LY75: variants seen among roughly 807,000 people sequenced by gnomAD.
The protein encoded by LY75 is C-type lectin domain family 13 member B.
LY75 carries 185 observed loss-of-function variants against 231.7 expected under a neutral mutation model. The ratio of observed to expected loss-of-function variants is 0.80; its 90% CI spans 0.71 to 0.90. The LOEUF is 0.90. LY75 is among the 40% of genes least tolerant of loss of function. The pLI, the probability that LY75 is intolerant of heterozygous loss-of-function variation, is 0.00. For missense variants in LY75, 1,947 were observed against 2,050.2 expected, an observed-to-expected ratio of 0.95 and a Z score of 0.97; for synonymous variants, 668 against 689.0, an observed-to-expected ratio of 0.97 and a Z score of 0.48.
At chr2:159,881,854 C>A (rs1049444137) in intron 7 of LY75, among the ~76,000 whole-genome samples, 2 of 152,140 alleles carry the variant, frequency 1.3e-5, no homozygotes, top group African/African-American at 2.4e-5. Context: ...TAGGCACATG[C>A]GGCCACTTAA....
At chr2:159,817,081 AC>A (rs749750351) in intron 29 of LY75, 49 bp from the exon 30 acceptor site, 7 of 1,489,186 alleles carry the variant, frequency 4.7e-6, no homozygotes, top group Non-Finnish European at 6.3e-6. Context: ...TATTTCAAAT[AC>A]ATCTTTTGGA....
chr2:159,805,835 G>C (rs960653707), intron 34 of LY75, among the ~76,000 whole-genome samples: 4 of 152,086 alleles, frequency 2.6e-5, no homozygotes, highest in Non-Finnish European at 5.9e-5. Context: ...CCCTAACTCT[G>C]CTCCCACCCA....
intron 20 of LY75, 84 bp downstream of exon 20, chr2:159,853,189 A>G (rs908664050): frequency 2.2e-6 from 3 of 1,391,938 alleles, no homozygotes; most frequent in Non-Finnish European, 3.0e-6. Context: ...ATATAATTAA[A>G]AGGAAAACAA....
Position 159,819,887 on chromosome 2 carries a change from A to C in LY75, c.3992T>G (p.Leu1331Arg). ...TCCTGCTCTCCAATGTGTATATGACAGTGGGGTCTTATCAAACCACATAAG... is the reference window on the plus strand; with the variant it reads ...TCCTGCTCTCCAATGTGTATATGACCGTGGGGTCTTATCAAACCACATAAG... ...KSLMWFDKTP[L>R]SYTHWRAGRP... Residue 1331 changes from leucine (L) to arginine (R), a missense_variant, in exon 29 of 35, where the codon CTG (leucine) becomes CGG (arginine). Leu to Arg is a moderately radical substitution (Grantham distance 102, BLOSUM62 -2). Coordinates refer to ENST00000263636, the MANE Select transcript of LY75 (RefSeq NM_002349.4). The C allele has an allele frequency of 6.2e-7, 1 of 1,609,510 alleles. No individual in the cohort carries two copies. The highest frequency in any genetic ancestry group is 2.2e-5 in the East Asian group (1 of 44,726).
intron 28 of LY75, among the ~76,000 whole-genome samples, chr2:159,822,039 C>T (rs1403884829): frequency 2.0e-5 from 3 of 152,238 alleles, no homozygotes; most frequent in Non-Finnish European, 4.4e-5. Flanking sequence ...AACCTGCAAA[C>T]GAGGAGATTC....
intron 32 of LY75, 27 bp downstream of exon 32, chr2:159,810,499 T>G (rs1489292041): frequency 1.2e-6 from 2 of 1,601,054 alleles, no homozygotes; most frequent in African/African-American, 1.3e-5. Context: ...TATTGAGTCA[T>G]AAGAAAATCA....
rs146290413 is a variant in LY75 at position 159,854,853 on chromosome 2, T to C, written c.2419+51A>G. 5.3e-3 allele frequency: 8,464 copies of C among 1,605,232 alleles called. 64 individuals are homozygous for C. The highest frequency in any genetic ancestry group is 0.03 in the Middle Eastern group (184 of 6,036). On this transcript the variant is annotated intron_variant, in intron 17 of 34. Coordinates refer to ENST00000263636, the MANE Select transcript of LY75 (RefSeq NM_002349.4). Reference sequence around the variant, plus strand: ...CACTTAAATAATTAACTAAATGCATTAGTGACAAGGTAAAAGCAGCTTTGG... The same window carrying C: ...CACTTAAATAATTAACTAAATGCATCAGTGACAAGGTAAAAGCAGCTTTGG...
intron 11 of LY75, 38 bp downstream of exon 11, chr2:159,878,286 T>A (rs901531026): frequency 6.3e-7 from 1 of 1,591,374 alleles, no homozygotes; most frequent in Non-Finnish European, 8.5e-7. Context: ...CTTTCACTAG[T>A]CACAGTATAC....
rs1683997737 is a variant in LY75, at chr2:159,840,732, TTGACTGAAGAGTCCGA to T, written c.3488_3503del (p.Ile1163LysfsTer31). On this transcript the variant is annotated frameshift_variant, in exon 25 of 35. Coordinates refer to ENST00000263636, the MANE Select transcript of LY75 (RefSeq NM_002349.4). LOFTEE classifies it high-confidence loss of function. ...GCAGTTGGGACTGAACACTTACATC[TTGACTGAAGAGTCCGA>T]TCCATAAGGAAGAGTTGTGAAGGAG... The T allele has an allele frequency of 6.2e-7, 1 of 1,613,930 alleles. No individual in the cohort carries two copies. The highest frequency in any genetic ancestry group is 1.3e-5 in the African/African-American group (1 of 74,910).
At chr2:159,842,781 T>C (rs1684078292) in intron 23 of LY75, among the ~76,000 whole-genome samples, 1 of 152,138 alleles carries the variant, frequency 6.6e-6, no homozygotes, top group Non-Finnish European at 1.5e-5. Context: ...TACTAGTCAC[T>C]ATAAAAATCT....
intron 20 of LY75, 86 bp from the exon 21 acceptor site, chr2:159,852,426 T>C: frequency 6.6e-7 from 1 of 1,524,562 alleles, no homozygotes; most frequent in African/African-American, 1.4e-5. Flanking sequence ...TTTTTTGTTT[T>C]TTTTTTTTTG....
chr2:159,807,792 C>T (rs1468894465), intron 33 of LY75: 1 of 945,000 alleles, frequency 1.1e-6, no homozygotes, highest in Admixed American at 6.2e-5. Flanking sequence ...TATCTTCTGT[C>T]ATATTTGTAC....
rs774428351 is a variant in LY75, at chr2:159,842,198, T to TATATATATAC, written c.3280+46_3280+47insGTATATATAT. 6.4e-4 allele frequency: 1,010 copies of TATATATATAC among 1,572,060 alleles called. 15 individuals carry two copies. In the African/African-American group the frequency reaches 0.012, roughly 18 times the overall value. On this transcript the variant is annotated intron_variant, in intron 24 of 34. Transcript: ENST00000263636. ...GACTCTCTCTCTCTCTATATATATA[T>TATATATATAC]ATGTAATAGCATAAAGTACCATAGT...
rs1685158622 is a variant in LY75 at position 159,874,577 on chromosome 2, C to CATATTTTGTAAATCTATATAAAGATAT, written c.1974+866_1974+867insATATCTTTATATAGATTTACAAAATAT. 4.1e-4 allele frequency among the ~76,000 whole-genome samples: 10 copies of CATATTTTGTAAATCTATATAAAGATAT among 24,664 alleles called. 2 individuals are homozygous for CATATTTTGTAAATCTATATAAAGATAT. Among genetic ancestry groups the CATATTTTGTAAATCTATATAAAGATAT allele is most frequent in the African/African-American group, 1.0e-3 (10 of 9,744 alleles). The allele number at this position is 24,664 out of a possible 152,430, so 16.2% of individuals were successfully genotyped here. A position where few individuals can be genotyped will look rare whatever the true frequency, so the allele number is the denominator to read the frequency against. ...TTTTGTAAATCTATATAAATATGTACATATTTTGTAAATATATATAAATAT... is the reference window on the plus strand; with the variant it reads ...TTTTGTAAATCTATATAAATATGTACATATTTTGTAAATCTATATAAAGATATATATTTTGTAAATATATATAAATAT... On this transcript the variant is annotated intron_variant, in intron 12 of 34. Transcript: ENST00000263636.
At chr2:159,849,620 T>TG (rs1684320668) in intron 23 of LY75, among the ~76,000 whole-genome samples, 1 of 152,228 alleles carries the variant, frequency 6.6e-6, no homozygotes, top group South Asian at 2.1e-4. Context: ...GGGAGGCACC[T>TG]GTTGTTCTTG....
intron 1 of LY75, among the ~76,000 whole-genome samples, chr2:159,903,833 G>C (rs1686152132): frequency 6.6e-6 from 1 of 152,186 alleles, no homozygotes; most frequent in South Asian, 2.1e-4. Context: ...GTGTGGTGGG[G>C]CTGGCACTAC....
rs1478953301 is a variant in LY75, at chr2:159,816,868, A to G, written c.4318T>C (p.Phe1440Leu). The change falls in exon 30 of 35, where the codon TTT becomes CTT. Residue 1440 changes from phenylalanine to leucine, a missense_variant. Physicochemically the swap from Phe to Leu is conservative, Grantham distance 22 (BLOSUM62 0). Transcript: ENST00000263636. ...ASVHNQNGQL[F>L]LEDIVKRDGF... is the part of the protein sequence containing the mutation. ...TCACGTTTTACAATATCTTCCAGAA[A>G]GAGCTGGCCATTTTGGTTGTGAACG... is the stretch of plus-strand genomic sequence containing the variant. The G allele has an allele frequency of 6.2e-7, 1 of 1,614,192 alleles. No individual in the cohort carries two copies. The highest frequency in any genetic ancestry group is 8.5e-7 in the Non-Finnish European group (1 of 1,180,032).
At chr2:159,821,529 C>G (rs1030987350) in intron 28 of LY75, among the ~76,000 whole-genome samples, 1 of 150,712 alleles carries the variant, frequency 6.6e-6, no homozygotes, top group South Asian at 2.1e-4. Flanking sequence ...GGCTGGAGAA[C>G]TGCTTGAACC....
chr2:159,846,065 A>G (rs921437454), intron 23 of LY75, among the ~76,000 whole-genome samples: 5 of 151,606 alleles, frequency 3.3e-5, no homozygotes, highest in African/African-American at 1.2e-4. Flanking sequence ...TCAGCCTCCC[A>G]AAGTGCTAGC....
Sources: gnomAD v4.1 joint callset for allele counts (sites outside exome capture counted in the v4.1 genomes callset) on GRCh38, gnomAD v4.1.1 for gene constraint, MANE v1.5 for transcripts, NCBI Gene and HGNC (gene_info 2026-07-23, HGNC 2026-07-21) for gene names.